LARP4: variants seen among roughly 807,000 people sequenced by gnomAD.
The protein encoded by LARP4 is la-related protein 4.
A neutral mutation model predicts 92.9 loss-of-function variants in LARP4; 29 were observed. The ratio of observed to expected loss-of-function variants is 0.31; its 90% CI spans 0.23 to 0.43. The LOEUF (loss-of-function observed/expected upper bound fraction) is 0.43, where lower values mean the gene tolerates loss of function less well. LARP4 is among the 20% of genes least tolerant of loss of function. LARP4 has a pLI of 1.00. For synonymous variants in LARP4, 279 were observed against 284.1 expected, an observed-to-expected ratio of 0.98 and a Z score of 0.18; for missense variants, 732 against 860.0, an observed-to-expected ratio of 0.85 and a Z score of 1.86.
chr12:50,467,029 C>T lies in LARP4; in HGVS notation c.1454C>T (p.Pro485Leu). ...PKFDLLASNFPPLPGSSSRMP... is the reference protein window; with the variant it reads ...PKFDLLASNFLPLPGSSSRMP... Reference sequence around the variant, plus strand: ...TTTGACTTATTAGCCTCAAATTTTCCACCTTTACCTGGAAGTTCATCAAGA... The same window carrying T: ...TTTGACTTATTAGCCTCAAATTTTCTACCTTTACCTGGAAGTTCATCAAGA... Residue 485 changes from proline (P) to leucine (L), a missense_variant, in exon 13 of 16, where the codon CCA becomes CTA. This residue lies in a region of LARP4 where 264 missense variants were observed against 269.5 expected (regional missense o/e 0.98). Coordinates refer to ENST00000398473, the MANE Select transcript of LARP4 (RefSeq NM_052879.5). The T allele has an allele frequency of 6.2e-7, 1 of 1,613,650 alleles. No individual in the cohort carries two copies. Among genetic ancestry groups the T allele is most frequent in the Non-Finnish European group, 8.5e-7 (1 of 1,179,702 alleles).
chr12:50,437,690 C>T (rs1950638158), intron 5 of LARP4, 45 bp from the exon 6 acceptor site: 1 of 1,077,118 alleles, frequency 9.3e-7, no homozygotes, highest in Admixed American at 2.0e-5. Flanking sequence ...TTAATAATAT[C>T]ACTACTTGTC....
chr12:50,427,252 G>A (rs1202868750), intron 1 of LARP4, among the ~76,000 whole-genome samples: 2 of 152,100 alleles, frequency 1.3e-5, no homozygotes, highest in Non-Finnish European at 2.9e-5. Context: ...AATTACTGTA[G>A]ATAACTAAAA....
intron 12 of LARP4, among the ~76,000 whole-genome samples, chr12:50,464,741 A>C (rs1955916313): frequency 6.7e-6 from 1 of 149,916 alleles, no homozygotes; most frequent in East Asian, 2.0e-4. Flanking sequence ...TCCACGTTGG[A>C]GTGCAGTGGC....
intron 2 of LARP4, 82 bp downstream of exon 2, chr12:50,427,991 C>CAAT: frequency 2.4e-6 from 1 of 413,464 alleles, no homozygotes; most frequent in Non-Finnish European, 3.5e-6. Context: ...TGAGACACAT[C>CAAT]TCTTTTTTTT....
At chr12:50,408,568 GT>G in intron 1 of LARP4, among the ~76,000 whole-genome samples, 1 of 152,166 alleles carries the variant, frequency 6.6e-6, no homozygotes, top group East Asian at 1.9e-4. Flanking sequence ...GTAATGCAGG[GT>G]TTGTGTAACA....
At chr12:50,462,832 C>T (rs1251218788) in intron 12 of LARP4, among the ~76,000 whole-genome samples, 3 of 152,114 alleles carry the variant, frequency 2.0e-5, no homozygotes, top group South Asian at 2.1e-4. Context: ...TAAGGAGCTT[C>T]GCTTGTGTTG....
chr12:50,428,903 C>A, intron 2 of LARP4, 32 bp from the exon 3 acceptor site: 1 of 1,503,092 alleles, frequency 6.7e-7, no homozygotes, highest in African/African-American at 1.4e-5. Context: ...TAAATAATTC[C>A]CATTTACTTT....
chr12:50,471,670 G>A lies in LARP4; in HGVS notation c.1546-1745G>A, dbSNP rs150821665. 4.3e-4 allele frequency among the ~76,000 whole-genome samples: 66 copies of A among 152,146 alleles called. No individual in the cohort carries two copies. In the East Asian group the frequency reaches 9.7e-3, roughly 22 times the overall value. On this transcript the variant is annotated intron_variant, in intron 13 of 15. Coordinates refer to ENST00000398473, the MANE Select transcript of LARP4 (RefSeq NM_052879.5). ...TCCTGAATGGTGAATACAGGCGCGC[G>A]CCACCATGCCCGGCTAATTTTTGTA...
At chr12:50,465,226 G>A (rs964298711) in intron 12 of LARP4, among the ~76,000 whole-genome samples, 2 of 152,026 alleles carry the variant, frequency 1.3e-5, no homozygotes, top group African/African-American at 2.4e-5. Context: ...ACAAAAATTA[G>A]CCGGGTATGG....
In LARP4 at chr12:50,461,362, T is replaced by C; in HGVS notation, c.1334+15T>C. 6.2e-7 allele frequency: 1 copy of C among 1,605,438 alleles called. No homozygotes were observed. The highest frequency in any genetic ancestry group is 1.1e-5 in the South Asian group (1 of 90,596). On this transcript the variant is annotated intron_variant, in intron 11 of 15. Transcript: ENST00000398473. ...GGTAGGGGCAGGTAAGAAAATAAAG[T>C]ACCTGAAAACCTTTGATAATAATGT...
chr12:50,460,118 G>C (rs995782479), intron 10 of LARP4, among the ~76,000 whole-genome samples: 9 of 148,854 alleles, frequency 6.0e-5, no homozygotes, highest in South Asian at 2.1e-4. Context: ...CCGGGCAACA[G>C]AGCAAGACTC....
chr12:50,445,540 C>T (rs1243012034), intron 8 of LARP4, among the ~76,000 whole-genome samples: 2 of 152,002 alleles, frequency 1.3e-5, no homozygotes, highest in Non-Finnish European at 1.5e-5. Flanking sequence ...CTCTCTTCTC[C>T]TTTCTTTTTT....
At chr12:50,427,403 G>A (rs1024292641) in intron 1 of LARP4, among the ~76,000 whole-genome samples, 3 of 152,010 alleles carry the variant, frequency 2.0e-5, no homozygotes, top group East Asian at 1.9e-4. Context: ...CCTCTGTCAT[G>A]TAGGCTGGAG....
chr12:50,412,877 T>TG (rs1946142391), intron 1 of LARP4, among the ~76,000 whole-genome samples: 1 of 152,114 alleles, frequency 6.6e-6, no homozygotes. Flanking sequence ...TCTAATCCTG[T>TG]GGAAGTGATC....
chr12:50,414,491 CAG>C (rs750547588), intron 1 of LARP4, among the ~76,000 whole-genome samples: 1 of 152,134 alleles, frequency 6.6e-6, no homozygotes, highest in Non-Finnish European at 1.5e-5. Context: ...TTTGTAAAGA[CAG>C]GGTTTCACTG....
Position 50,475,537 on chromosome 12 carries a change from G to A in LARP4, c.1848G>A (p.Lys616=), listed in dbSNP as rs754927958. 1 of 1,601,946 alleles carries A rather than the reference G, an allele frequency of 6.2e-7. No individual in the cohort carries two copies. Among genetic ancestry groups the A allele is most frequent in the East Asian group, 2.2e-5 (1 of 44,766 alleles). Residue 616 remains lysine (K), a synonymous_variant, in exon 16 of 16, where the codon AAG becomes AAA. Transcript: ENST00000398473. ...TCATCACTTCAAAGGAACCCCGAAAGTTAAGTTATGCTGAAGTGTGCCAGA... is the reference window on the plus strand; with the variant it reads ...TCATCACTTCAAAGGAACCCCGAAAATTAAGTTATGCTGAAGTGTGCCAGA... The part of the protein sequence containing the change: ...ATAVALQEPR[K]LSYAEVCQKP...
At chr12:50,458,498 G>A (rs115658826) in intron 10 of LARP4, among the ~76,000 whole-genome samples, 2,564 of 152,244 alleles carry the variant, frequency 0.017, 49 homozygotes, top group East Asian at 0.071. Flanking sequence ...TAGAGATGCT[G>A]TGGGAATTTA....
In LARP4 at chr12:50,462,607, C is replaced by T. The variant is rs1445347191; in HGVS notation, c.1360C>T (p.Arg454Ter). ...GRRTLFRGRRRREDDRISRPH... is the reference protein window; with the variant it reads ...GRRTLFRGRR Reference sequence around the variant, plus strand: ...GAGAACTCTCTTCAGAGGTCGAAGACGACGAGAAGATGACAGGATCTCAGT... The same window carrying T: ...GAGAACTCTCTTCAGAGGTCGAAGATGACGAGAAGATGACAGGATCTCAGT... The change falls in exon 12 of 16, where the codon CGA becomes TGA. Residue 454 changes from arginine to a stop codon, truncating the protein, a stop_gained. Coordinates refer to ENST00000398473, the MANE Select transcript of LARP4 (RefSeq NM_052879.5). LOFTEE classifies it high-confidence loss of function. 7.1e-6 allele frequency: 9 copies of T among 1,273,556 alleles called. No homozygotes were observed. Among genetic ancestry groups the T allele is most frequent in the African/African-American group, 1.7e-5 (1 of 58,548 alleles). The allele number at this position is 1,273,556 out of a possible 1,614,324, so 78.9% of individuals were successfully genotyped here. A position where few individuals can be genotyped will look rare whatever the true frequency, so the allele number is the denominator to read the frequency against.
intron 12 of LARP4, among the ~76,000 whole-genome samples, chr12:50,465,685 T>C (rs1164754112): frequency 1.3e-5 from 2 of 152,160 alleles, no homozygotes; most frequent in Non-Finnish European, 2.9e-5. Context: ...TTCAGCATGC[T>C]GTTTGAAGTA....
Sources: allele counts gnomAD v4.1 joint callset (sites outside exome capture counted in the v4.1 genomes callset), GRCh38; gene constraint gnomAD v4.1.1; regional missense constraint gnomAD v4.1.1; transcripts MANE v1.5; gene names NCBI Gene and HGNC (gene_info 2026-07-23, HGNC 2026-07-21).